Variants in SUFU observed in about 807,000 individuals in gnomAD.
SUFU encodes the protein SUFU negative regulator of hedgehog signaling.
SUFU carries 7 observed loss-of-function variants against 58.9 expected under a neutral mutation model. That is an observed-to-expected ratio of 0.12 (90% confidence interval 0.07 to 0.22). The LOEUF (loss-of-function observed/expected upper bound fraction) is 0.22, where lower values mean the gene tolerates loss of function less well. Among genes scored for constraint, SUFU ranks in the 10% least tolerant of loss-of-function variants. The pLI, the probability that SUFU is intolerant of heterozygous loss-of-function variation, is 1.00. For synonymous variants in SUFU, 232 were observed against 254.8 expected (o/e 0.91, Z 0.85); for missense variants, 451 against 641.3 (o/e 0.70, Z 3.20).
At chr10:102,507,755 T>G (rs1211137421) in intron 1 of SUFU, among the ~76,000 whole-genome samples, 2 of 152,172 alleles carry the variant, frequency 1.3e-5, no homozygotes, top group African/African-American at 4.8e-5. Flanking sequence ...TGTCTTTTAT[T>G]TGGTTGTTAG....
chr10:102,554,099 A>C (rs2062948631), intron 3 of SUFU, among the ~76,000 whole-genome samples: 1 of 151,930 alleles, frequency 6.6e-6, no homozygotes, highest in Non-Finnish European at 1.5e-5. Context: ...TGTCTCAAAA[A>C]ACAAAAACAA....
At chr10:102,602,550 C>T (rs2063523965) in intron 8 of SUFU, among the ~76,000 whole-genome samples, 5 of 152,206 alleles carry the variant, frequency 3.3e-5, no homozygotes, top group Admixed American at 3.3e-4. Flanking sequence ...CCAGAAATAA[C>T]AAGCTATGTC....
intron 2 of SUFU, among the ~76,000 whole-genome samples, chr10:102,528,855 A>G (rs1221450175): frequency 2.0e-5 from 3 of 152,248 alleles, no homozygotes; most frequent in South Asian, 2.1e-4. Context: ...GAAAGCTTCT[A>G]TAACCCAGAG....
At chr10:102,630,013 G>A (rs563627425) in intron 11 of SUFU, 53 bp from the exon 12 acceptor site, 69 of 1,527,922 alleles carry the variant, frequency 4.5e-5, no homozygotes, top group Admixed American at 4.5e-4. Flanking sequence ...GAAAGACCAC[G>A]GTGTATTCTG....
intron 2 of SUFU, among the ~76,000 whole-genome samples, chr10:102,532,309 C>G (rs2135699905): frequency 6.6e-6 from 1 of 152,280 alleles, no homozygotes; most frequent in East Asian, 1.9e-4. Context: ...TGCCAGAGGG[C>G]CCAGGAGCCC....
intron 3 of SUFU, among the ~76,000 whole-genome samples, chr10:102,572,399 T>TC (rs1416133252): frequency 6.7e-6 from 1 of 148,884 alleles, no homozygotes; most frequent in East Asian, 2.0e-4. Context: ...TTTCTTTTTT[T>TC]TTTTTTTTGA....
chr10:102,512,129 C>T (rs935166390), intron 2 of SUFU, among the ~76,000 whole-genome samples: 6 of 152,146 alleles, frequency 3.9e-5, no homozygotes, highest in Non-Finnish European at 7.3e-5. Context: ...TCGCTGGTCA[C>T]GTGTTGGGAG....
At chr10:102,527,909 CA>C (rs1260224188) in intron 2 of SUFU, among the ~76,000 whole-genome samples, 1 of 152,216 alleles carries the variant, frequency 6.6e-6, no homozygotes, top group Non-Finnish European at 1.5e-5. Flanking sequence ...CCCCAAGCTG[CA>C]TACTTAGGCA....
intron 2 of SUFU, among the ~76,000 whole-genome samples, chr10:102,543,124 A>G (rs148673623): frequency 2.4e-4 from 37 of 152,334 alleles, no homozygotes; most frequent in Admixed American, 9.2e-4. Flanking sequence ...TAGTTTTATT[A>G]GGTACTGCCT....
At chr10:102,590,154 TTTTTTC>T (rs1361468979) in intron 3 of SUFU, among the ~76,000 whole-genome samples, 1 of 27,250 alleles carries the variant, frequency 3.7e-5, no homozygotes, top group African/African-American at 1.5e-4. Context: ...TTTTTTTTTC[TTTTTTC>T]TTTTTTTTTT....
chr10:102,505,749 G>C (rs557938867), intron 1 of SUFU, among the ~76,000 whole-genome samples: 6 of 152,180 alleles, frequency 3.9e-5, no homozygotes, highest in Non-Finnish European at 5.9e-5. Flanking sequence ...AACTGGTGTC[G>C]CAGTCCTCTC....
intron 3 of SUFU, among the ~76,000 whole-genome samples, chr10:102,567,744 A>G (rs1377481149): frequency 1.3e-5 from 2 of 152,134 alleles, no homozygotes; most frequent in African/African-American, 2.4e-5. Flanking sequence ...AGACTCTGAA[A>G]CAGCAGTGGG....
chr10:102,621,188 C>T (rs1004177519), intron 10 of SUFU, among the ~76,000 whole-genome samples: 1 of 152,194 alleles, frequency 6.6e-6, no homozygotes, highest in Non-Finnish European at 1.5e-5. Flanking sequence ...GCCCTGGGCA[C>T]CTCCTCTTTG....
intron 2 of SUFU, among the ~76,000 whole-genome samples, chr10:102,532,808 G>A (rs1165981898): frequency 2.0e-5 from 3 of 152,186 alleles, no homozygotes; most frequent in Admixed American, 6.5e-5. Flanking sequence ...CCTGTTTCAC[G>A]GTGGCCTAGT....
intron 3 of SUFU, among the ~76,000 whole-genome samples, chr10:102,582,702 T>C (rs1029039184): frequency 4.6e-5 from 7 of 152,210 alleles, no homozygotes; most frequent in East Asian, 3.8e-4. Flanking sequence ...CTCCTTTTGC[T>C]ATCCTGGAGT....
chr10:102,590,560 GT>G (rs1395438522), intron 3 of SUFU, among the ~76,000 whole-genome samples: 1 of 151,654 alleles, frequency 6.6e-6, no homozygotes, highest in Non-Finnish European at 1.5e-5. Flanking sequence ...GTCTATAGTT[GT>G]TTTTTTTCTT....
At chr10:102,516,885 A>G (rs910246318) in intron 2 of SUFU, among the ~76,000 whole-genome samples, 25 of 151,024 alleles carry the variant, frequency 1.7e-4, no homozygotes, top group Admixed American at 1.3e-3. Flanking sequence ...GCATTTTGGG[A>G]GGCTGAGGTG....
At chr10:102,556,876 G>A (rs2062986103) in intron 3 of SUFU, among the ~76,000 whole-genome samples, 2 of 151,950 alleles carry the variant, frequency 1.3e-5, no homozygotes, top group Admixed American at 6.6e-5. Flanking sequence ...GATCACTTCA[G>A]GTTAGGAGTT....
intron 3 of SUFU, among the ~76,000 whole-genome samples, chr10:102,587,012 C>T (rs1449176655): frequency 6.6e-6 from 1 of 152,162 alleles, no homozygotes. Context: ...CAAGTTTCAC[C>T]CATGTTTTAG....
Sources: gnomAD v4.1 joint callset for allele counts (sites outside exome capture counted in the v4.1 genomes callset) on GRCh38, gnomAD v4.1.1 for gene constraint, MANE v1.5 for transcripts, NCBI Gene and HGNC (gene_info 2026-07-23, HGNC 2026-07-21) for gene names.